The following CNPY1 variants were observed in gnomAD, a reference collection of about 807,000 sequenced individuals.
The protein encoded by CNPY1 is canopy FGF signaling regulator 1, also known as protein canopy homolog 1.
In CNPY1, 14 loss-of-function variants were observed where a neutral mutation model predicts 14.4. The observed-to-expected ratio is 0.97, with a 90% confidence interval of 0.64 to 1.52. The LOEUF (loss-of-function observed/expected upper bound fraction) is 1.52. CNPY1 is among the 40% of genes most tolerant of loss of function. The probability of loss-of-function intolerance (pLI) is 0.00; values close to 1 mark genes in which losing one functional copy is unlikely to be tolerated. For synonymous variants in CNPY1, 43 were observed against 46.5 expected (o/e 0.92, Z 0.31); for missense variants, 129 against 131.5 (o/e 0.98, Z 0.09).
intron 2 of CNPY1, among the ~76,000 whole-genome samples, chr7:155,520,182 T>G (rs181393707): frequency 6.6e-6 from 1 of 152,166 alleles, no homozygotes. Context: ...AATCACACTG[T>G]GAATTTCTGT....
rs570240538 is a variant in CNPY1 at position 155,540,320 on chromosome 7, C to T, written c.99+5511G>A. 3.4e-4 allele frequency among the ~76,000 whole-genome samples: 51 copies of T among 152,224 alleles called. 1 individual carries two copies. Among genetic ancestry groups the T allele is most frequent in the African/African-American group, 1.2e-3 (49 of 41,530 alleles). On this transcript the variant is annotated intron_variant, in intron 2 of 4. Transcript: ENST00000636446. ...GCCAAAGCACCGTGCACTGGGGTCT[C>T]GTTCTCCTCATCTTAGCGCTAGCAA...
Position 155,538,865 on chromosome 7 carries a change from G to A in CNPY1, c.99+6966C>T, listed in dbSNP as rs549651522. ...CGTGGCGTTCACACTGGCGGCTGCT[G>A]AGGTCTCTGGGTCAGAGTGTGAGCT... On this transcript the variant is annotated intron_variant, in intron 2 of 4. Transcript: ENST00000636446. 4.7e-4 allele frequency among the ~76,000 whole-genome samples: 72 copies of A among 152,284 alleles called. 1 individual carries two copies. Among genetic ancestry groups the A allele is most frequent in the African/African-American group, 1.7e-3 (70 of 41,548 alleles).
At chr7:155,543,249 T>C (rs574159182) in intron 2 of CNPY1, among the ~76,000 whole-genome samples, 2 of 152,260 alleles carry the variant, frequency 1.3e-5, no homozygotes, top group African/African-American at 4.8e-5. Context: ...GGCAGGACAA[T>C]GGGGGCCCGA....
intron 4 of CNPY1, among the ~76,000 whole-genome samples, chr7:155,503,768 T>C (rs898673051): frequency 2.0e-5 from 3 of 152,220 alleles, no homozygotes; most frequent in Non-Finnish European, 2.9e-5. Flanking sequence ...TCAGTGATGA[T>C]GCTTTTAAAT....
At position 155,538,782 on chromosome 7, in the gene CNPY1, C is replaced by T. The variant is rs543406208; in HGVS notation, c.99+7049G>A. On this transcript the variant is annotated intron_variant, in intron 2 of 4. Coordinates refer to ENST00000636446, the MANE Select transcript of CNPY1 (RefSeq NM_001393663.1). ...CTGAGCACCGCCATGGGCTGACTCGCGCCCCCTCCTATTCACCTCCTGCCC... is the reference window on the plus strand; with the variant it reads ...CTGAGCACCGCCATGGGCTGACTCGTGCCCCCTCCTATTCACCTCCTGCCC... Among the ~76,000 whole-genome samples the T allele has an allele frequency of 2.4e-3, 370 of 152,320 alleles. 1 individual carries two copies. Among genetic ancestry groups the T allele is most frequent in the Non-Finnish European group, 3.7e-3 (249 of 68,028 alleles).
intron 2 of CNPY1, among the ~76,000 whole-genome samples, chr7:155,512,009 A>G (rs191164770): frequency 1.3e-5 from 2 of 152,218 alleles, no homozygotes; most frequent in East Asian, 1.9e-4. Context: ...TTTCCCCCTC[A>G]AAGTGTTTTG....
intron 3 of CNPY1, among the ~76,000 whole-genome samples, chr7:155,508,304 C>G (rs1214926209): frequency 1.2e-4 from 18 of 152,194 alleles, no homozygotes. Context: ...AACTATCATA[C>G]CTAAGCCTTT....
intron 2 of CNPY1, among the ~76,000 whole-genome samples, chr7:155,540,018 G>C (rs2116757018): frequency 6.6e-6 from 1 of 152,304 alleles, no homozygotes; most frequent in Middle Eastern, 3.4e-3. Context: ...GCTGCCCTCA[G>C]AAGAACAGAT....
intron 2 of CNPY1, chr7:155,533,819 G>C (rs561250269): frequency 6.6e-6 from 1 of 152,244 alleles, no homozygotes; most frequent in African/African-American, 2.4e-5. Context: ...AACTCTCAGC[G>C]GCTTTGCTCT....
intron 2 of CNPY1, among the ~76,000 whole-genome samples, chr7:155,519,212 A>G (rs966075423): frequency 2.0e-5 from 3 of 152,062 alleles, no homozygotes; most frequent in Non-Finnish European, 4.4e-5. Flanking sequence ...GGTTCATACC[A>G]TCTTTGCCAG....
intron 2 of CNPY1, among the ~76,000 whole-genome samples, chr7:155,544,562 A>C (rs1199141177): frequency 1.3e-5 from 2 of 152,230 alleles, no homozygotes; most frequent in African/African-American, 4.8e-5. Context: ...CACAATGCAC[A>C]CACAGACAGG....
At chr7:155,514,373 A>C (rs767001595) in intron 2 of CNPY1, among the ~76,000 whole-genome samples, 37 of 152,238 alleles carry the variant, frequency 2.4e-4, no homozygotes, top group African/African-American at 8.9e-4. Context: ...ATTGTCGTCA[A>C]CTGTTTCCTT....
At chr7:155,542,369 G>C (rs11769197) in intron 2 of CNPY1, among the ~76,000 whole-genome samples, 15,290 of 152,174 alleles carry the variant, frequency 0.1, 920 homozygotes, top group African/African-American at 0.17. Flanking sequence ...AGCACCCCTT[G>C]CTCATGGGCG....
At chr7:155,545,736 G>A (rs1797149798) in intron 2 of CNPY1, 95 bp downstream of exon 2, 1 of 395,590 alleles carries the variant, frequency 2.5e-6, no homozygotes, top group African/African-American at 2.1e-5. Context: ...ACAAGAGAAA[G>A]GTTAGAAGAT....
chr7:155,543,600 G>C (rs1036978398), intron 2 of CNPY1, among the ~76,000 whole-genome samples: 3 of 152,230 alleles, frequency 2.0e-5, no homozygotes, highest in Non-Finnish European at 4.4e-5. Context: ...AGAGTGCTGG[G>C]ACGTGAGGGG....
chr7:155,528,904 C>A (rs996812505), intron 2 of CNPY1, among the ~76,000 whole-genome samples: 11 of 151,890 alleles, frequency 7.2e-5, no homozygotes, highest in Non-Finnish European at 1.0e-4. Context: ...ACTAAAAATA[C>A]AAAAAAATTA....
intron 4 of CNPY1, among the ~76,000 whole-genome samples, chr7:155,505,976 A>G (rs904666353): frequency 3.9e-5 from 6 of 152,232 alleles, no homozygotes; most frequent in African/African-American, 1.4e-4. Flanking sequence ...AAAGACAAAA[A>G]CAAAACCAAA....
chr7:155,505,120 G>A (rs1053861169), intron 4 of CNPY1, among the ~76,000 whole-genome samples: 3 of 152,146 alleles, frequency 2.0e-5, no homozygotes, highest in African/African-American at 7.2e-5. Context: ...GGTGGGAGAA[G>A]TCCAGTCTCT....
intron 2 of CNPY1, among the ~76,000 whole-genome samples, chr7:155,521,052 AAAGAAGGAAG>A (rs1563091191): frequency 1.0e-4 from 14 of 134,456 alleles, no homozygotes; most frequent in African/African-American, 4.5e-4. Flanking sequence ...AAAAAAAAAG[AAAGAAGGAAG>A]GAAGGAAGGA....
Sources: gnomAD v4.1 joint callset for allele counts (sites outside exome capture counted in the v4.1 genomes callset) on GRCh38, gnomAD v4.1.1 for gene constraint, MANE v1.5 for transcripts, NCBI Gene and HGNC (gene_info 2026-07-23, HGNC 2026-07-21) for gene names.